The following SCN11A variants were observed in gnomAD, a reference collection of about 807,000 sequenced individuals.
SCN11A encodes sodium voltage-gated channel alpha subunit 11, also known as sodium channel protein type 11 subunit alpha.
Under a neutral mutation model 162.2 loss-of-function variants are expected in SCN11A, and 122 were observed. That is an observed-to-expected ratio of 0.75 (90% CI 0.65 to 0.87). The LOEUF is 0.87. SCN11A is among the 40% of genes least tolerant of loss of function. SCN11A has a pLI of 0.00. For synonymous variants in SCN11A, 758 were observed against 751.5 expected (o/e 1.01, Z -0.14); for missense variants, 2,015 against 2,181.6 (o/e 0.92, Z 1.52).
At chr3:38,905,974 T>A (rs2065785878) in intron 14 of SCN11A, among the ~76,000 whole-genome samples, 1 of 152,206 alleles carries the variant, frequency 6.6e-6, no homozygotes, top group African/African-American at 2.4e-5. Context: ...GTTTTCCTAG[T>A]GGCTTATTTT....
intron 17 of SCN11A, among the ~76,000 whole-genome samples, chr3:38,898,409 A>G (rs2065642311): frequency 6.6e-6 from 1 of 152,220 alleles, no homozygotes; most frequent in Admixed American, 6.5e-5. Context: ...CGGTTGCCAC[A>G]CAGACCACAC....
At chr3:39,017,790 C>T (rs1229424151) in intron 2 of SCN11A, among the ~76,000 whole-genome samples, 3 of 152,088 alleles carry the variant, frequency 2.0e-5, no homozygotes, top group Non-Finnish European at 4.4e-5. Context: ...TAATGTCCTA[C>T]TAATTATAAT....
intron 2 of SCN11A, among the ~76,000 whole-genome samples, chr3:39,012,561 G>A (rs573368785): frequency 3.4e-5 from 5 of 148,134 alleles, no homozygotes; most frequent in African/African-American, 1.2e-4. Flanking sequence ...GCTCACTGAA[G>A]GCTCCACCTC....
At chr3:39,042,017 C>T (rs1363059303) in intron 1 of SCN11A, among the ~76,000 whole-genome samples, 1 of 151,996 alleles carries the variant, frequency 6.6e-6, no homozygotes, top group African/African-American at 2.4e-5. Flanking sequence ...GCCTGTAATC[C>T]CAGCACTTTG....
rs917883067 is a variant in SCN11A, at chr3:38,872,292, G to A, written c.3396C>T (p.Val1132=). 5 of 1,559,698 alleles carry A rather than the reference G, an allele frequency of 3.2e-6. No homozygotes were observed. The highest frequency in any genetic ancestry group is 4.4e-6 in the Non-Finnish European group (5 of 1,130,774). ...WCCLDFIIVI[V]SVTTLINLME... is the part of the protein sequence containing the mutation. ...TTAAGTTAATGAGGGTGGTCACAGA[G>A]ACCTGATGGGAAGAGAGGCCACAGA... The change falls in exon 24 of 30, where the codon GTC becomes GTT. Residue 1132 remains valine, a splice_region_variant and synonymous_variant. Transcript: ENST00000302328.
intron 2 of SCN11A, among the ~76,000 whole-genome samples, chr3:39,010,010 G>A (rs182411496): frequency 8.9e-4 from 135 of 151,984 alleles, no homozygotes; most frequent in East Asian, 4.3e-3. Context: ...CCATATTAAC[G>A]TAAAATGATA....
In SCN11A at chr3:38,894,570, T is replaced by A; in HGVS notation, c.2798A>T (p.Asn933Ile). 6.2e-7 allele frequency: 1 copy of A among 1,613,514 alleles called. No homozygotes were observed. Among genetic ancestry groups the A allele is most frequent in the Non-Finnish European group, 8.5e-7 (1 of 1,179,690 alleles). ...EDDVEFSGED[N>I]AQRITQPEPE... Reference sequence around the variant, plus strand: ...CTCAGGTTGTGTGATGCGCTGTGCATTATCTTCACCAGAAAATTCAACGTC... The same window carrying A: ...CTCAGGTTGTGTGATGCGCTGTGCAATATCTTCACCAGAAAATTCAACGTC... The change falls in exon 19 of 30, where the codon AAT (asparagine) becomes ATT (isoleucine). Residue 933 changes from asparagine to isoleucine, a missense_variant. By Grantham distance (149) the Asn-to-Ile change is moderately radical. Coordinates refer to ENST00000302328, the MANE Select transcript of SCN11A (RefSeq NM_001349253.2).
intron 7 of SCN11A, among the ~76,000 whole-genome samples, chr3:38,936,722 G>C (rs1216252673): frequency 6.6e-6 from 1 of 152,080 alleles, no homozygotes; most frequent in Non-Finnish European, 1.5e-5. Flanking sequence ...AAATAAAAGA[G>C]GATACAAACA....
rs764569456 is a variant in SCN11A, at chr3:38,847,492, A to G, written c.4578T>C (p.Ser1526=). The part of the protein sequence containing the change: ...MNWFSKVNPE[S]GIDDIFNFKT... Reference sequence around the variant, plus strand: ...TGAAGTTGAATATGTCATCGATTCCAGACTCTGGATTCACTTTGGAAAACC... The same window carrying G: ...TGAAGTTGAATATGTCATCGATTCCGGACTCTGGATTCACTTTGGAAAACC... The change falls in exon 30 of 30, where the codon TCT becomes TCC. Residue 1526 remains serine (S), a synonymous_variant. Transcript: ENST00000302328. 1 of 1,614,234 alleles carries G rather than the reference A, an allele frequency of 6.2e-7. No individual in the cohort carries two copies. Among genetic ancestry groups the G allele is most frequent in the East Asian group, 2.2e-5 (1 of 44,886 alleles).
chr3:38,864,419 G>A (rs2065010797), intron 27 of SCN11A, among the ~76,000 whole-genome samples: 1 of 152,104 alleles, frequency 6.6e-6, no homozygotes, highest in South Asian at 2.1e-4. Flanking sequence ...TTCTGAGACT[G>A]TAGTGTGTGT....
chr3:38,946,207 G>C (rs1166805959), intron 6 of SCN11A, among the ~76,000 whole-genome samples: 1 of 152,072 alleles, frequency 6.6e-6, no homozygotes, highest in Non-Finnish European at 1.5e-5. Flanking sequence ...CCACAAGAGG[G>C]GTGCAGAGGT....
intron 2 of SCN11A, among the ~76,000 whole-genome samples, chr3:39,031,007 G>A (rs1244604938): frequency 1.3e-5 from 2 of 152,262 alleles, no homozygotes; most frequent in South Asian, 2.1e-4. Context: ...GCCCTCCAGT[G>A]GGAAAGCTAG....
chr3:39,047,065 CCCCCT>C (rs1416315430), intron 1 of SCN11A, among the ~76,000 whole-genome samples: 2 of 120,432 alleles, frequency 1.7e-5, no homozygotes, highest in African/African-American at 6.5e-5. Flanking sequence ...CCCACCCCCA[CCCCCT>C]TTTTTTTTTT....
At chr3:38,880,309 T>C (rs1279204891) in intron 22 of SCN11A, among the ~76,000 whole-genome samples, 186 bp from the exon 23 acceptor site, 29 of 152,206 alleles carry the variant, frequency 1.9e-4, no homozygotes, top group Non-Finnish European at 4.4e-5. Flanking sequence ...TAAGTAAAAA[T>C]GGAAGAAGGA....
At chr3:38,888,814 C>A (rs565440267) in intron 19 of SCN11A, among the ~76,000 whole-genome samples, 9 of 152,256 alleles carry the variant, frequency 5.9e-5, no homozygotes, top group East Asian at 5.8e-4. Context: ...CCTCTCCCCC[C>A]ATCCCTTCCA....
chr3:38,854,662 A>C (rs1341693026), intron 28 of SCN11A, among the ~76,000 whole-genome samples: 4 of 152,254 alleles, frequency 2.6e-5, no homozygotes, highest in Non-Finnish European at 5.9e-5. Context: ...AAAAGCCGTG[A>C]GTTCCCAAAG....
intron 4 of SCN11A, among the ~76,000 whole-genome samples, chr3:38,951,952 T>G (rs910611575): frequency 6.6e-6 from 1 of 152,064 alleles, no homozygotes; most frequent in Admixed American, 6.5e-5. Flanking sequence ...GGCAACCCGC[T>G]GGGGTCCCCT....
intron 3 of SCN11A, among the ~76,000 whole-genome samples, chr3:38,954,217 C>T (rs978587124): frequency 2.0e-5 from 3 of 152,158 alleles, no homozygotes; most frequent in Non-Finnish European, 2.9e-5. Flanking sequence ...TCAATTTCCC[C>T]CTCCTCATGA....
At chr3:39,012,056 T>C (rs771799095) in intron 2 of SCN11A, among the ~76,000 whole-genome samples, 2 of 152,240 alleles carry the variant, frequency 1.3e-5, no homozygotes, top group East Asian at 1.9e-4. Flanking sequence ...CCAGGAGCAG[T>C]GGCTCATGCC....
Sources: allele counts gnomAD v4.1 joint callset (sites outside exome capture counted in the v4.1 genomes callset), GRCh38; gene constraint gnomAD v4.1.1; transcripts MANE v1.5; gene names NCBI Gene and HGNC (gene_info 2026-07-23, HGNC 2026-07-21).